THOC7: variants seen among roughly 807,000 people sequenced by gnomAD.
The protein encoded by THOC7 is THO complex subunit 7.
THOC7 carries 22 observed loss-of-function variants against 33.1 expected under a neutral mutation model. The observed-to-expected ratio is 0.66, with a 90% CI of 0.47 to 0.95. The LOEUF (loss-of-function observed/expected upper bound fraction) is 0.95. Ranked by LOEUF, THOC7 falls within the 40% of genes least tolerant of loss-of-function variation. The probability of loss-of-function intolerance (pLI) is 0.00; values close to 1 mark genes in which losing one functional copy is unlikely to be tolerated. For missense variants in THOC7, 184 were observed against 245.3 expected (o/e 0.75, Z 1.67); for synonymous variants, 77 against 76.8 (o/e 1.00, Z -0.01).
rs569849065 is a variant in THOC7 at position 63,839,523 on chromosome 3, T to A, written c.137+133A>T. On this transcript the variant is annotated intron_variant, in intron 2 of 7. Coordinates refer to ENST00000295899, the MANE Select transcript of THOC7 (RefSeq NM_025075.4). ...AGAAGAAAAGGCCAAGAAAATCTAC[T>A]CTTGGTTAATTAAGAGTTGACTCCA... 3.3e-5 allele frequency: 26 copies of A among 777,866 alleles called. 1 individual carries two copies. In the African/African-American group the frequency reaches 3.8e-4, roughly 12 times the overall value. 48.2% of individuals were successfully genotyped at this position (777,866 alleles called of 1,614,324 possible).
At chr3:63,842,019 A>G (rs1454921447) in intron 1 of THOC7, among the ~76,000 whole-genome samples, 4 of 152,342 alleles carry the variant, frequency 2.6e-5, no homozygotes, top group Non-Finnish European at 5.9e-5. Flanking sequence ...GGAAAACAAC[A>G]TCTAAGGCAA....
upstream of THOC7, chr3:63,863,833 G>C: frequency 8.2e-7 from 1 of 1,212,490 alleles, no homozygotes; most frequent in Non-Finnish European, 1.0e-6. Flanking sequence ...CGCAAGCTGA[G>C]GCGGCGGTTG....
chr3:63,854,957 G>C (rs62250877), intron 1 of THOC7, among the ~76,000 whole-genome samples: 18 of 150,406 alleles, frequency 1.2e-4, no homozygotes, highest in South Asian at 2.1e-4. Context: ...GCAGTGAGCC[G>C]AGATCCCGCC....
At chr3:63,843,909 AAAAAC>A (rs528708067) in intron 1 of THOC7, among the ~76,000 whole-genome samples, 17 of 152,274 alleles carry the variant, frequency 1.1e-4, no homozygotes, top group Non-Finnish European at 2.4e-4. Context: ...TCAGAAAAAA[AAAAAC>A]AAAACTGTGG....
chr3:63,855,490 T>A (rs2107160541), intron 1 of THOC7, among the ~76,000 whole-genome samples: 1 of 152,320 alleles, frequency 6.6e-6, no homozygotes, highest in Middle Eastern at 3.4e-3. Flanking sequence ...CCTTTACAGT[T>A]ACTAGAGCAA....
intron 1 of THOC7, among the ~76,000 whole-genome samples, chr3:63,845,318 A>G (rs1575808780): frequency 6.6e-6 from 1 of 152,234 alleles, no homozygotes; most frequent in African/African-American, 2.4e-5. Context: ...ATAGTGGCTG[A>G]CAAGTCACTG....
At chr3:63,845,596 A>G (rs1385702198) in intron 1 of THOC7, among the ~76,000 whole-genome samples, 1 of 152,166 alleles carries the variant, frequency 6.6e-6, no homozygotes, top group African/African-American at 2.4e-5. Context: ...TTTGGAATTC[A>G]TAGGTATGTG....
chr3:63,836,434 C>T, intron 4 of THOC7, 76 bp from the exon 5 acceptor site: 6 of 1,345,424 alleles, frequency 4.5e-6, no homozygotes, highest in Non-Finnish European at 6.3e-6. Context: ...TGTAATATCA[C>T]AAACCTCTCC....
At chr3:63,863,746 G>T in intron 1 of THOC7, 26 bp downstream of exon 1, 2 of 1,250,098 alleles carry the variant, frequency 1.6e-6, no homozygotes, top group African/African-American at 1.6e-5. Flanking sequence ...TGCAGCGGGC[G>T]CGTGTGGCGG....
At chr3:63,850,196 C>T (rs960396054) in intron 1 of THOC7, among the ~76,000 whole-genome samples, 1 of 151,974 alleles carries the variant, frequency 6.6e-6, no homozygotes, top group African/African-American at 2.4e-5. Context: ...GGACTGCCGG[C>T]TTTTATTTAT....
intron 1 of THOC7, among the ~76,000 whole-genome samples, chr3:63,843,359 C>T (rs572873511): frequency 6.6e-6 from 1 of 151,510 alleles, no homozygotes; most frequent in Non-Finnish European, 1.5e-5. Context: ...CTCAAATGAT[C>T]CGCCTACCTC....
At chr3:63,863,870 A>G (rs1702312067), upstream of THOC7, 2 of 1,182,090 alleles carry the variant, frequency 1.7e-6, no homozygotes, top group Non-Finnish European at 2.1e-6. Context: ...AACTCCCACA[A>G]TGCAGCCGGG....
Position 63,863,758 on chromosome 3 carries a change from G to A in THOC7, c.19+14C>T. On this transcript the variant is annotated intron_variant, in intron 1 of 7. Coordinates refer to ENST00000295899, the MANE Select transcript of THOC7 (RefSeq NM_025075.4). ...CCGTGCAGCGGGCGCGTGTGGCGGC[G>A]AGCGGGGCCTCACCGTCAGTCACGG... The A allele has an allele frequency of 2.4e-6, 3 of 1,250,244 alleles. No individual in the cohort carries two copies. The highest frequency in any genetic ancestry group is 3.1e-4 in the Middle Eastern group (1 of 3,238). The allele number at this position is 1,250,244 out of a possible 1,614,324, so 77.4% of individuals were successfully genotyped here.
Position 63,836,286 on chromosome 3 carries a change from A to G in THOC7, c.410+15T>C. 1.2e-6 allele frequency: 2 copies of G among 1,608,510 alleles called. No homozygotes were observed. The highest frequency in any genetic ancestry group is 1.7e-6 in the Non-Finnish European group (2 of 1,176,890). On this transcript the variant is annotated intron_variant, in intron 5 of 7. Transcript: ENST00000295899. Reference sequence around the variant, plus strand: ...ATAAAGGTTAGTTCCTTTCAAAGTAAAGCTCTACACTTACTTTAATGTCTC... The same window carrying G: ...ATAAAGGTTAGTTCCTTTCAAAGTAGAGCTCTACACTTACTTTAATGTCTC...
intron 1 of THOC7, among the ~76,000 whole-genome samples, chr3:63,843,431 T>A (rs1054654284): frequency 4.6e-5 from 7 of 152,108 alleles, no homozygotes; most frequent in Non-Finnish European, 1.0e-4. Flanking sequence ...ATAATTCTTT[T>A]AAAATTAAAA....
chr3:63,839,628 T>C, intron 2 of THOC7, 28 bp downstream of exon 2: 1 of 1,588,566 alleles, frequency 6.3e-7, no homozygotes, highest in Non-Finnish European at 8.6e-7. Context: ...AGGACACTGG[T>C]ATGGAAACAA....
chr3:63,852,448 G>T (rs960078994), intron 1 of THOC7, among the ~76,000 whole-genome samples: 4 of 152,170 alleles, frequency 2.6e-5, no homozygotes, highest in Non-Finnish European at 5.9e-5. Flanking sequence ...CTCAAAACTT[G>T]TTAGCTGTTG....
intron 7 of THOC7, among the ~76,000 whole-genome samples, chr3:63,834,529 A>G (rs1290382719): frequency 6.6e-6 from 1 of 151,966 alleles, no homozygotes; most frequent in African/African-American, 2.4e-5. Context: ...GTGTGGTGGC[A>G]TGCACCTGTA....
intron 1 of THOC7, among the ~76,000 whole-genome samples, chr3:63,839,991 C>T (rs1330304028): frequency 6.6e-6 from 1 of 151,872 alleles, no homozygotes; most frequent in Non-Finnish European, 1.5e-5. Context: ...TATTTATATA[C>T]TAAAGAAAAA....
Sources: allele counts gnomAD v4.1 joint callset (sites outside exome capture counted in the v4.1 genomes callset), GRCh38; gene constraint gnomAD v4.1.1; transcripts MANE v1.5; gene names NCBI Gene and HGNC (gene_info 2026-07-23, HGNC 2026-07-21).